The following ACTL8 variants were observed in gnomAD, a reference collection of about 807,000 sequenced individuals.
ACTL8 encodes actin like 8.
In ACTL8, 3 loss-of-function variants were observed where a neutral mutation model predicts 9.3. That is an observed-to-expected ratio of 0.32 (90% CI 0.15 to 0.83). The LOEUF (loss-of-function observed/expected upper bound fraction) is 0.83. ACTL8 is among the 40% of genes least tolerant of loss of function. The pLI is 0.57. For missense variants in ACTL8, 381 were observed against 492.2 expected, an observed-to-expected ratio of 0.77 and a Z score of 2.14; for synonymous variants, 224 against 205.9, an observed-to-expected ratio of 1.09 and a Z score of -0.75.
At chr1:17,811,818 T>C (rs77024314) in intron 1 of ACTL8, among the ~76,000 whole-genome samples, 2,863 of 152,158 alleles carry the variant, frequency 0.019, 88 homozygotes, top group African/African-American at 0.065. Flanking sequence ...TACTGATCCA[T>C]GTGACTGTGC....
At chr1:17,755,926 G>C (rs577045247) in intron 1 of ACTL8, among the ~76,000 whole-genome samples, 1 of 149,044 alleles carries the variant, frequency 6.7e-6, no homozygotes, top group African/African-American at 2.5e-5. Flanking sequence ...TCTTTTTGGG[G>C]CTCTATTTCA....
intron 1 of ACTL8, among the ~76,000 whole-genome samples, chr1:17,769,657 G>A (rs2066070667): frequency 6.6e-6 from 1 of 152,132 alleles, no homozygotes; most frequent in African/African-American, 2.4e-5. Flanking sequence ...AGAGACAGAG[G>A]CATGAAATAA....
Position 17,759,376 on chromosome 1 carries a change from G to A in ACTL8, c.-25+3872G>A, listed in dbSNP as rs141447979. Among the ~76,000 whole-genome samples, 6 of 152,370 alleles carry A rather than the reference G, an allele frequency of 3.9e-5. No individual in the cohort carries two copies. The South Asian group carries it at 1.0e-3, about 26-fold the overall frequency. On this transcript the variant is annotated intron_variant, in intron 1 of 2. Coordinates refer to ENST00000375406, the MANE Select transcript of ACTL8 (RefSeq NM_030812.3). Reference sequence around the variant, plus strand: ...GTGCCGCTCAGTGCTGGCTGCTGCCGTGCTCAGCAGAGGCCAGCAGCACCT... The same window carrying A: ...GTGCCGCTCAGTGCTGGCTGCTGCCATGCTCAGCAGAGGCCAGCAGCACCT...
At chr1:17,769,656 G>A (rs2066070648) in intron 1 of ACTL8, among the ~76,000 whole-genome samples, 1 of 152,146 alleles carries the variant, frequency 6.6e-6, no homozygotes, top group Non-Finnish European at 1.5e-5. Context: ...GAGAGACAGA[G>A]GCATGAAATA....
At chr1:17,822,883 A>G in intron 1 of ACTL8, 102 bp from the exon 2 acceptor site, 1 of 752,094 alleles carries the variant, frequency 1.3e-6, no homozygotes, top group Non-Finnish European at 2.1e-6. Flanking sequence ...GCAGTGGACA[A>G]GCTTCAGGGG....
intron 1 of ACTL8, among the ~76,000 whole-genome samples, chr1:17,796,996 C>G (rs374212347): frequency 3.5e-4 from 54 of 152,272 alleles, no homozygotes; most frequent in African/African-American, 1.2e-3. Context: ...AAGTATGGCT[C>G]GTACAGGGCC....
chr1:17,781,666 G>A (rs2066155681), intron 1 of ACTL8, among the ~76,000 whole-genome samples: 1 of 152,068 alleles, frequency 6.6e-6, no homozygotes, highest in African/African-American at 2.4e-5. Flanking sequence ...ACATTCTGAG[G>A]TCCTGGGGTA....
chr1:17,771,097 C>T (rs925462333), intron 1 of ACTL8, among the ~76,000 whole-genome samples: 23 of 152,166 alleles, frequency 1.5e-4, no homozygotes, highest in African/African-American at 5.3e-4. Flanking sequence ...CTGTAAAAGA[C>T]CAGATTGTAA....
chr1:17,761,646 C>G (rs987105145), intron 1 of ACTL8, among the ~76,000 whole-genome samples: 1 of 152,112 alleles, frequency 6.6e-6, no homozygotes, highest in Non-Finnish European at 1.5e-5. Context: ...TCTTAGCTCA[C>G]TGTAACCTCT....
Position 17,825,847 on chromosome 1 carries a change from G to T in ACTL8, c.429G>T (p.Leu143=). 1 of 1,614,072 alleles carries T rather than the reference G, an allele frequency of 6.2e-7. No homozygotes were observed. Among genetic ancestry groups the T allele is most frequent in the South Asian group, 1.1e-5 (1 of 91,082 alleles). ...TGTCCCTGTATGCCTCTGGCCTCCT[G>T]ACCGGAGTGGTGGTTGATTCTGGCT... ...LQMSLYASGL[L]TGVVVDSGYG... is the part of the protein sequence containing the mutation. The change falls in exon 3 of 3, where the codon CTG becomes CTT. Residue 143 remains leucine (L), a synonymous_variant. Transcript: ENST00000375406.
rs564771684 is a variant in ACTL8, at chr1:17,778,112, C to T, written c.-25+22608C>T. ...GGCTGAATGGGAGACAAGCTCTGCT[C>T]GTCTTAACCAGTTTGGGGAACAGTT... On this transcript the variant is annotated intron_variant, in intron 1 of 2. Transcript: ENST00000375406. Among the ~76,000 whole-genome samples the T allele has an allele frequency of 1.7e-3, 265 of 152,320 alleles. 13 individuals carry two copies. The South Asian group carries it at 0.041, about 23-fold the overall frequency.
intron 1 of ACTL8, among the ~76,000 whole-genome samples, chr1:17,782,371 T>A (rs1185577572): frequency 6.6e-6 from 1 of 152,180 alleles, no homozygotes; most frequent in Non-Finnish European, 1.5e-5. Context: ...AAATGACTTA[T>A]CTTGTCATTT....
chr1:17,825,816 T>C lies in ACTL8; in HGVS notation c.398T>C (p.Leu133Pro). Residue 133 changes from leucine to proline, a missense_variant, in exon 3 of 3, where the codon CTG becomes CCG. Transcript: ENST00000375406. Reference protein sequence around the residue: ...HVPSVLLADQLQMSLYASGLL... With the variant: ...HVPSVLLADQPQMSLYASGLL... ...CCATCGGTCCTCCTGGCCGACCAGC[T>C]GCAGATGTCCCTGTATGCCTCTGGC... 4 of 1,614,114 alleles carry C rather than the reference T, an allele frequency of 2.5e-6. No individual in the cohort carries two copies. The highest frequency in any genetic ancestry group is 3.4e-6 in the Non-Finnish European group (4 of 1,180,024).
At chr1:17,780,550 C>T (rs2102682904) in intron 1 of ACTL8, among the ~76,000 whole-genome samples, 1 of 152,270 alleles carries the variant, frequency 6.6e-6, no homozygotes, top group East Asian at 1.9e-4. Flanking sequence ...AATTTCAAAC[C>T]ATCCAGCCCT....
In ACTL8 at chr1:17,767,784, C is replaced by T. The variant is rs1227742765; in HGVS notation, c.-25+12280C>T. On this transcript the variant is annotated intron_variant, in intron 1 of 2. Coordinates refer to ENST00000375406, the MANE Select transcript of ACTL8 (RefSeq NM_030812.3). This position sits in a 1 kb window ranked among gnomAD's most constrained non-coding sequence, Gnocchi z 4.7. ...TTACTTATTTCACACGAGACAATGT[C>T]CCTGCTTGGCTTCTCGGCTCAGTCT... Among the ~76,000 whole-genome samples the T allele has an allele frequency of 6.6e-6, 1 of 152,162 alleles. No homozygotes were observed. Among genetic ancestry groups the T allele is most frequent in the East Asian group, 1.9e-4 (1 of 5,182 alleles).
intron 1 of ACTL8, among the ~76,000 whole-genome samples, chr1:17,761,123 A>G (rs2065998965): frequency 6.7e-6 from 1 of 149,064 alleles, no homozygotes; most frequent in South Asian, 2.1e-4. Flanking sequence ...GACAGGGGTC[A>G]TTGCGGCTTA....
chr1:17,825,983 T>TTTAA lies in ACTL8; in HGVS notation c.566_569dup (p.Lys190AsnfsTer2). The TTTAA allele has an allele frequency of 6.2e-7, 1 of 1,609,320 alleles. No individual in the cohort carries two copies. The highest frequency in any genetic ancestry group is 8.5e-7 in the Non-Finnish European group (1 of 1,179,996). ...CTCCGCCTATCTCCTCAAGAGTCTC[T>TTTAA]TTAAGGAAGATTGCGATAGACGCTG... On this transcript the variant is annotated frameshift_variant, in exon 3 of 3. Transcript: ENST00000375406. LOFTEE classifies it low-confidence loss of function (END_TRUNC).
rs267598220 is a variant in ACTL8 at position 17,826,091 on chromosome 1, C to T, written c.673C>T (p.Arg225Cys). 6 of 1,608,632 alleles carry T rather than the reference C, an allele frequency of 3.7e-6. No individual in the cohort carries two copies. The highest frequency in any genetic ancestry group is 1.1e-5 in the South Asian group (1 of 91,092). ...GAATCTGGGGGAGGCCCTGGACTTT[C>T]GTGAGAGGCAGCAGAGTGCCTTGGA... ...PQNLGEALDF[R>C]ERQQSALDES... Residue 225 changes from arginine to cysteine, a missense_variant, in exon 3 of 3, where the codon CGT (arginine) becomes TGT (cysteine). This residue lies in a region of ACTL8 where 243 missense variants were observed against 276.2 expected (regional missense o/e 0.88). Transcript: ENST00000375406. This position sits in a 1 kb window ranked among gnomAD's most constrained non-coding sequence, Gnocchi z 4.5.
chr1:17,824,777 C>G (rs902112156), intron 2 of ACTL8, among the ~76,000 whole-genome samples: 1 of 152,078 alleles, frequency 6.6e-6, no homozygotes, highest in African/African-American at 2.4e-5. Context: ...AGCCACTGCT[C>G]TAAGTGAATA....
Sources: gnomAD v4.1 joint callset for allele counts (sites outside exome capture counted in the v4.1 genomes callset) on GRCh38, gnomAD v4.1.1 for gene constraint, gnomAD v4.1.1 regional missense constraint, Gnocchi (gnomAD v3.1) non-coding constraint, MANE v1.5 for transcripts, NCBI Gene and HGNC (gene_info 2026-07-23, HGNC 2026-07-21) for gene names.